Variants in FRMD4A observed in about 807,000 individuals in gnomAD.
FRMD4A encodes FERM domain-containing protein 4A.
Under a neutral mutation model 129.1 loss-of-function variants are expected in FRMD4A, and 29 were observed. That is an observed-to-expected ratio of 0.22 (90% CI 0.17 to 0.31). FRMD4A has a LOEUF of 0.31. Among genes scored for constraint, FRMD4A ranks in the 10% least tolerant of loss-of-function variants. The pLI, the probability that FRMD4A is intolerant of heterozygous loss-of-function variation, is 1.00. For missense variants in FRMD4A, 1,272 were observed against 1,375.8 expected, an observed-to-expected ratio of 0.92 and a Z score of 1.19; for synonymous variants, 634 against 571.6, an observed-to-expected ratio of 1.11 and a Z score of -1.56.
At chr10:13,881,824 C>G (rs541434890) in intron 2 of FRMD4A, among the ~76,000 whole-genome samples, 1 of 151,386 alleles carries the variant, frequency 6.6e-6, no homozygotes, top group Non-Finnish European at 1.5e-5. Flanking sequence ...GAGAGGAACT[C>G]GCTTCTGCTT....
At chr10:13,896,015 A>G (rs772767561) in intron 2 of FRMD4A, among the ~76,000 whole-genome samples, 4 of 152,200 alleles carry the variant, frequency 2.6e-5, no homozygotes, top group Non-Finnish European at 5.9e-5. Context: ...AAAGTCAGGA[A>G]ACAACAGGTG....
chr10:14,216,161 G>A (rs557402253), intron 2 of FRMD4A, among the ~76,000 whole-genome samples: 5 of 152,182 alleles, frequency 3.3e-5, no homozygotes, highest in South Asian at 2.1e-4. Flanking sequence ...ATTCCGTCCC[G>A]GGGTCTGAGA....
At chr10:14,257,134 C>A (rs759775628) in intron 2 of FRMD4A, among the ~76,000 whole-genome samples, 8 of 152,098 alleles carry the variant, frequency 5.3e-5, no homozygotes, top group Non-Finnish European at 1.0e-4. Context: ...AGTTCGAGAC[C>A]AGCCTGGCCA....
chr10:14,165,058 A>G (rs1468451444), intron 2 of FRMD4A, among the ~76,000 whole-genome samples: 2 of 152,348 alleles, frequency 1.3e-5, no homozygotes, highest in Non-Finnish European at 2.9e-5. Context: ...GAAACTATCA[A>G]CAGAGTAAAT....
chr10:14,045,398 C>A (rs995784635), intron 2 of FRMD4A, among the ~76,000 whole-genome samples: 1 of 152,116 alleles, frequency 6.6e-6, no homozygotes, highest in Non-Finnish European at 1.5e-5. Flanking sequence ...CTAGGTTCAG[C>A]AAGGTGTGGG....
chr10:13,715,735 G>C (rs2088718889), intron 12 of FRMD4A, among the ~76,000 whole-genome samples: 1 of 151,986 alleles, frequency 6.6e-6, no homozygotes, highest in Non-Finnish European at 1.5e-5. Context: ...GTGAAACCCA[G>C]TCTCTACTAA....
intron 4 of FRMD4A, among the ~76,000 whole-genome samples, chr10:13,805,426 C>CTTTTT (rs5783352): frequency 1.3e-5 from 2 of 149,426 alleles, no homozygotes; most frequent in African/African-American, 2.5e-5. Flanking sequence ...TTTTAAAAGG[C>CTTTTT]TTTTTTTTTC....
At chr10:13,782,799 A>C (rs2092769720) in intron 6 of FRMD4A, 123 bp downstream of exon 6, 3 of 684,712 alleles carry the variant, frequency 4.4e-6, no homozygotes, top group Non-Finnish European at 8.0e-6. Context: ...TATTTATAGT[A>C]ATTAATTTAT....
At chr10:14,139,394 A>T (rs1175084793) in intron 2 of FRMD4A, among the ~76,000 whole-genome samples, 1 of 152,146 alleles carries the variant, frequency 6.6e-6, no homozygotes, top group Non-Finnish European at 1.5e-5. Flanking sequence ...CCTTATCTAT[A>T]TTGAACATAG....
chr10:14,302,016 G>A (rs563061896), intron 2 of FRMD4A, among the ~76,000 whole-genome samples: 1 of 152,252 alleles, frequency 6.6e-6, no homozygotes, highest in East Asian at 1.9e-4. Flanking sequence ...GGAAAGAAAA[G>A]TCTGAAACCA....
intron 6 of FRMD4A, among the ~76,000 whole-genome samples, chr10:13,772,340 A>G (rs192072456): frequency 2.6e-5 from 4 of 151,760 alleles, no homozygotes; most frequent in Admixed American, 6.6e-5. Context: ...CCCTTTATCA[A>G]CTACACCAGA....
intron 2 of FRMD4A, among the ~76,000 whole-genome samples, chr10:14,114,393 C>T (rs1016204815): frequency 3.9e-5 from 6 of 152,192 alleles, no homozygotes; most frequent in African/African-American, 1.4e-4. Context: ...AGGGCATATA[C>T]CCATGCTCCA....
In FRMD4A at chr10:13,659,493, G is replaced by A. The variant is rs1238900652; in HGVS notation, c.1899-3C>T. The A allele has an allele frequency of 1.2e-6, 2 of 1,610,808 alleles. No individual in the cohort carries two copies. The highest frequency in any genetic ancestry group is 1.1e-5 in the South Asian group (1 of 90,916). ...TGCTGGGGAAGCGCTTGTGGCTGCT[G>A]CAAAGCCAAGGATGCCACGTGGTCA... On this transcript the variant is annotated splice_region_variant and splice_polypyrimidine_tract_variant and intron_variant, in intron 20 of 24. Coordinates refer to ENST00000357447, the MANE Select transcript of FRMD4A (RefSeq NM_018027.5).
At chr10:13,809,012 C>T (rs2093403110) in intron 4 of FRMD4A, among the ~76,000 whole-genome samples, 2 of 152,238 alleles carry the variant, frequency 1.3e-5, no homozygotes, top group African/African-American at 4.8e-5. Context: ...CACGCACATG[C>T]TTTCCTGGTC....
chr10:14,064,735 A>G (rs1834975647), intron 2 of FRMD4A, among the ~76,000 whole-genome samples: 1 of 151,028 alleles, frequency 6.6e-6, no homozygotes, highest in Admixed American at 6.6e-5. Flanking sequence ...TCACCATCAC[A>G]CTCAGCTATT....
At position 14,278,474 on chromosome 10, in the gene FRMD4A, A is replaced by G. The variant is rs181813476; in HGVS notation, c.45+51584T>C. Among the ~76,000 whole-genome samples, 31 of 152,294 alleles carry G rather than the reference A, an allele frequency of 2.0e-4. 1 individual carries two copies. The highest frequency in any genetic ancestry group is 1.2e-3 in the Admixed American group (18 of 15,294). ...AAGGTCACCATAATTTAGCATGAAA[A>G]TTCAACAATTCTCCCACATCCCCAG... is the stretch of plus-strand genomic sequence containing the variant. On this transcript the variant is annotated intron_variant, in intron 2 of 24. Coordinates refer to ENST00000357447, the MANE Select transcript of FRMD4A (RefSeq NM_018027.5).
intron 2 of FRMD4A, among the ~76,000 whole-genome samples, chr10:14,219,214 G>C (rs1843170484): frequency 6.6e-6 from 1 of 152,128 alleles, no homozygotes; most frequent in African/African-American, 2.4e-5. Context: ...CAAGCACTAG[G>C]GTAGGTTCCC....
chr10:13,725,075 T>TC (rs772635114), intron 12 of FRMD4A, among the ~76,000 whole-genome samples: 55 of 152,224 alleles, frequency 3.6e-4, no homozygotes, highest in Admixed American at 1.5e-3. Context: ...CATTCATGAC[T>TC]CCCCTCTGGC....
intron 13 of FRMD4A, among the ~76,000 whole-genome samples, chr10:13,702,418 G>A (rs765063348): frequency 2.0e-5 from 3 of 152,124 alleles, no homozygotes; most frequent in Admixed American, 6.5e-5. Context: ...AAGTGAAAAC[G>A]GGAACTGTTC....
Sources: gnomAD v4.1 joint callset for allele counts (sites outside exome capture counted in the v4.1 genomes callset) on GRCh38, gnomAD v4.1.1 for gene constraint, MANE v1.5 for transcripts, NCBI Gene and HGNC (gene_info 2026-07-23, HGNC 2026-07-21) for gene names.